Variants in CNTNAP4 observed in about 807,000 individuals in gnomAD.
CNTNAP4 encodes contactin associated protein family member 4, also known as contactin-associated protein-like 4.
CNTNAP4 carries 98 observed loss-of-function variants against 148.4 expected under a neutral mutation model. The observed-to-expected ratio is 0.66, with a 90% confidence interval of 0.56 to 0.78. CNTNAP4 has a LOEUF of 0.78. Ranked by LOEUF, CNTNAP4 falls within the 30% of genes least tolerant of loss-of-function variation. The probability of loss-of-function intolerance (pLI) is 0.00; values close to 1 mark genes in which losing one functional copy is unlikely to be tolerated. For missense variants in CNTNAP4, 1,935 were observed against 1,565.6 expected, an observed-to-expected ratio of 1.24 and a Z score of -3.98; for synonymous variants, 730 against 565.1, an observed-to-expected ratio of 1.29 and a Z score of -4.14.
intron 3 of CNTNAP4, among the ~76,000 whole-genome samples, chr16:76,411,349 G>A (rs2078784376): frequency 6.6e-6 from 1 of 151,290 alleles, no homozygotes; most frequent in Non-Finnish European, 1.5e-5. Flanking sequence ...CAATATATTA[G>A]AATGACTGTA....
intron 1 of CNTNAP4, among the ~76,000 whole-genome samples, chr16:76,314,664 G>A (rs539370420): frequency 2.0e-5 from 3 of 152,074 alleles, no homozygotes; most frequent in Non-Finnish European, 4.4e-5. Context: ...GTTATCAATC[G>A]GTTCCCTTAA....
intron 4 of CNTNAP4, among the ~76,000 whole-genome samples, chr16:76,436,013 C>G (rs934707875): frequency 5.9e-5 from 9 of 152,056 alleles, no homozygotes; most frequent in Non-Finnish European, 1.0e-4. Context: ...TGCACCTCCT[C>G]ATGGGTCACA....
rs918905022 is a variant in CNTNAP4, at chr16:76,309,486, G to A, written c.86-6927G>A. Reference sequence around the variant, plus strand: ...TGTAGGCAGGCTGACCAGAAGTGGGGCATCCTATGGGATTAGTTAGAGGTA... The same window carrying A: ...TGTAGGCAGGCTGACCAGAAGTGGGACATCCTATGGGATTAGTTAGAGGTA... On this transcript the variant is annotated intron_variant, in intron 1 of 23. Coordinates refer to ENST00000611870, the MANE Select transcript of CNTNAP4 (RefSeq NM_033401.5). Among the ~76,000 whole-genome samples, 12 of 152,124 alleles carry A rather than the reference G, an allele frequency of 7.9e-5. No individual in the cohort carries two copies. The East Asian group carries it at 2.3e-3, about 29-fold the overall frequency.
intron 1 of CNTNAP4, among the ~76,000 whole-genome samples, chr16:76,301,748 C>G (rs1959993199): frequency 6.6e-6 from 1 of 152,148 alleles, no homozygotes. Context: ...GAACAGCTCT[C>G]AAATCCGCCT....
At chr16:76,424,218 C>A (rs1231724427) in intron 3 of CNTNAP4, among the ~76,000 whole-genome samples, 1 of 152,106 alleles carries the variant, frequency 6.6e-6, no homozygotes, top group East Asian at 1.9e-4. Context: ...TGCCACTGTG[C>A]ATCTTTTCTC....
At position 76,521,254 on chromosome 16, in the gene CNTNAP4, C is replaced by A. The variant is rs767943659; in HGVS notation, c.2480C>A (p.Ser827Tyr). ...VSFFFKTTAS[S>Y]GVFLENLGIA... ...TTCTTTTTTAAGACAACAGCTTCAT[C>A]TGGGGTATTTTTAGAGAACTTGGGG... The change falls in exon 16 of 24, where the codon TCT becomes TAT. Residue 827 changes from serine (S) to tyrosine (Y), a missense_variant. Coordinates refer to ENST00000611870, the MANE Select transcript of CNTNAP4 (RefSeq NM_033401.5). 1.4e-5 allele frequency: 23 copies of A among 1,612,544 alleles called. No homozygotes were observed. The highest frequency in any genetic ancestry group is 1.9e-5 in the Non-Finnish European group (22 of 1,179,358).
intron 23 of CNTNAP4, among the ~76,000 whole-genome samples, chr16:76,555,033 C>T (rs1159919584): frequency 6.6e-6 from 1 of 151,890 alleles, no homozygotes; most frequent in Non-Finnish European, 1.5e-5. Context: ...CCTGGCAGGG[C>T]AACAGGATAA....
In CNTNAP4 at chr16:76,558,865, C is replaced by T; in HGVS notation, c.*182C>T. ...TCGTCCAGTGATATATTTCTCATAG[C>T]ATTCATTCTATGGAACAAGAAATTA... is the stretch of plus-strand genomic sequence containing the variant. On this transcript the variant is annotated 3_prime_UTR_variant, in exon 24 of 24. Transcript: ENST00000611870. 1 of 472,250 alleles carries T rather than the reference C, an allele frequency of 2.1e-6. No homozygotes were observed. The highest frequency in any genetic ancestry group is 3.3e-5 in the East Asian group (1 of 30,522). 29.3% of individuals were successfully genotyped at this position (472,250 alleles called of 1,614,324 possible). A position where few individuals can be genotyped will look rare whatever the true frequency, so the allele number is the denominator to read the frequency against.
At chr16:76,323,624 C>G (rs1597192260) in intron 2 of CNTNAP4, among the ~76,000 whole-genome samples, 1 of 152,124 alleles carries the variant, frequency 6.6e-6, no homozygotes, top group Non-Finnish European at 1.5e-5. Context: ...AGATGACTGT[C>G]CACCTGCCTG....
intron 1 of CNTNAP4, among the ~76,000 whole-genome samples, chr16:76,306,462 G>A (rs554350895): frequency 1.1e-4 from 16 of 152,136 alleles, no homozygotes; most frequent in Middle Eastern, 3.4e-3. Flanking sequence ...AAACATGATT[G>A]GCTCCTACAC....
At chr16:76,423,960 A>G (rs2079284446) in intron 3 of CNTNAP4, among the ~76,000 whole-genome samples, 1 of 152,120 alleles carries the variant, frequency 6.6e-6, no homozygotes, top group Non-Finnish European at 1.5e-5. Context: ...TGCCCATTAA[A>G]AAATCTAGAT....
At chr16:76,487,653 G>T (rs1339144260) in intron 12 of CNTNAP4, among the ~76,000 whole-genome samples, 1 of 152,180 alleles carries the variant, frequency 6.6e-6, no homozygotes, top group Admixed American at 6.5e-5. Flanking sequence ...CATTGTGTCT[G>T]TTCTGCCCTG....
intron 4 of CNTNAP4, among the ~76,000 whole-genome samples, chr16:76,445,486 G>T (rs538667198): frequency 6.6e-6 from 1 of 152,250 alleles, no homozygotes; most frequent in African/African-American, 2.4e-5. Context: ...GCATTGTCGT[G>T]TACCTGTGAA....
chr16:76,493,682 A>G (rs2082305036), intron 13 of CNTNAP4, among the ~76,000 whole-genome samples: 1 of 152,220 alleles, frequency 6.6e-6, no homozygotes. Context: ...AAGTATTTCA[A>G]GCAATTTTCA....
intron 2 of CNTNAP4, among the ~76,000 whole-genome samples, chr16:76,322,200 G>T (rs925258963): frequency 7.1e-4 from 108 of 152,298 alleles, no homozygotes; most frequent in Non-Finnish European, 1.4e-3. Flanking sequence ...GCTGATTCAG[G>T]CTGTGGCATG....
intron 3 of CNTNAP4, among the ~76,000 whole-genome samples, chr16:76,381,693 G>A (rs189998014): frequency 6.3e-4 from 96 of 152,178 alleles, no homozygotes; most frequent in African/African-American, 2.3e-3. Context: ...TAAATAAAGG[G>A]AACGGAGATA....
intron 8 of CNTNAP4, among the ~76,000 whole-genome samples, chr16:76,459,586 G>A (rs1221642060): frequency 2.0e-5 from 3 of 152,152 alleles, no homozygotes; most frequent in Non-Finnish European, 4.4e-5. Context: ...AATGTATGTG[G>A]TAGAAATTCT....
intron 3 of CNTNAP4, among the ~76,000 whole-genome samples, chr16:76,371,411 G>C (rs2014807478): frequency 6.6e-6 from 1 of 152,120 alleles, no homozygotes; most frequent in African/African-American, 2.4e-5. Flanking sequence ...TCAGCCTCCT[G>C]AGTAGCTGGG....
chr16:76,351,849 C>T (rs1362708069), intron 2 of CNTNAP4, among the ~76,000 whole-genome samples: 1 of 152,184 alleles, frequency 6.6e-6, no homozygotes, highest in Non-Finnish European at 1.5e-5. Context: ...TAGAATCACA[C>T]TGATTCTTTT....
Sources: allele counts gnomAD v4.1 joint callset (sites outside exome capture counted in the v4.1 genomes callset), GRCh38; gene constraint gnomAD v4.1.1; transcripts MANE v1.5; gene names NCBI Gene and HGNC (gene_info 2026-07-23, HGNC 2026-07-21).